The following FGF7 variants were observed in gnomAD, a reference collection of about 807,000 sequenced individuals.
The protein encoded by FGF7 is FGF-7.
A neutral mutation model predicts 20.5 loss-of-function variants in FGF7; 6 were observed. The ratio of observed to expected loss-of-function variants is 0.29; its 90% CI spans 0.16 to 0.58. The LOEUF (loss-of-function observed/expected upper bound fraction) is 0.58. Ranked by LOEUF, FGF7 falls within the 20% of genes least tolerant of loss-of-function variation. The probability of loss-of-function intolerance (pLI) is 0.90; values close to 1 mark genes in which losing one functional copy is unlikely to be tolerated. For synonymous variants in FGF7, 64 were observed against 74.7 expected, an observed-to-expected ratio of 0.86 and a Z score of 0.74; for missense variants, 144 against 228.8, an observed-to-expected ratio of 0.63 and a Z score of 2.39.
chr15:49,448,302 C>T (rs1224707697), intron 2 of FGF7, among the ~76,000 whole-genome samples: 1 of 151,356 alleles, frequency 6.6e-6, no homozygotes, highest in Non-Finnish European at 1.5e-5. Flanking sequence ...CCTTTTCTCC[C>T]TCTTTTCTTT....
rs769700070 is a variant in FGF7, at chr15:49,487,483, CA to C, written c.*2981del. ...TCAGCCTTTGAGTTGGCTACAAATT[CA>C]ATTTAATGACAGAAGAGAAGGGATG... is the stretch of plus-strand genomic sequence containing the variant. On this transcript the variant is annotated 3_prime_UTR_variant, in exon 4 of 4. Transcript: ENST00000267843. 1 of 151,700 alleles carries C rather than the reference CA, an allele frequency of 6.6e-6. No homozygotes were observed. The highest frequency in any genetic ancestry group is 1.5e-5 in the Non-Finnish European group (1 of 67,846). 9.4% of individuals were successfully genotyped at this position (151,700 alleles called of 1,614,324 possible). A position where few individuals can be genotyped will look rare whatever the true frequency, so the allele number is the denominator to read the frequency against.
intron 2 of FGF7, among the ~76,000 whole-genome samples, chr15:49,457,064 ACAC>A (rs2053367249): frequency 6.6e-6 from 1 of 152,026 alleles, no homozygotes; most frequent in South Asian, 2.1e-4. Flanking sequence ...TTTTACTACT[ACAC>A]CACCATGCCT....
chr15:49,461,179 C>A lies in FGF7; in HGVS notation c.287-21972C>A, dbSNP rs1402296208. On this transcript the variant is annotated intron_variant, in intron 2 of 3. Coordinates refer to ENST00000267843, the MANE Select transcript of FGF7 (RefSeq NM_002009.4). ...CTCCTCGACTAGACTAGTGACAGAT[C>A]TTTTCTCTTCCTTACTACTTTGCCA... Among the ~76,000 whole-genome samples the A allele has an allele frequency of 3.3e-5, 5 of 152,180 alleles. No individual in the cohort carries two copies. The East Asian group carries it at 9.6e-4, about 29-fold the overall frequency.
rs1000099087 is a variant in FGF7 at position 49,424,129 on chromosome 15, G to A, written c.-169G>A. On this transcript the variant is annotated 5_prime_UTR_variant, in exon 2 of 4. Coordinates refer to ENST00000267843, the MANE Select transcript of FGF7 (RefSeq NM_002009.4). ...GTTATTTAAGGAGGAATCCTGTGTT[G>A]TTATCAGGAACTAAAAGGATAAGGC... 2 of 555,372 alleles carry A rather than the reference G, an allele frequency of 3.6e-6. No individual in the cohort carries two copies. Among genetic ancestry groups the A allele is most frequent in the Non-Finnish European group, 6.3e-6 (2 of 316,040 alleles). The allele number at this position is 555,372 out of a possible 1,614,324, so 34.4% of individuals were successfully genotyped here.
chr15:49,465,514 T>C (rs376969309), intron 2 of FGF7, among the ~76,000 whole-genome samples: 13 of 152,124 alleles, frequency 8.5e-5, no homozygotes, highest in African/African-American at 3.1e-4. Flanking sequence ...AGAAAACATA[T>C]GTAAGTTGTT....
rs2056509513 is a variant in FGF7 at position 49,487,604 on chromosome 15, C to T, written c.*3100C>T. ...CATAAAGATGTGCGAGGGGACCTAG[C>T]TGTAGTAAAAGCAATCCTATAACAA... is the stretch of plus-strand genomic sequence containing the variant. On this transcript the variant is annotated 3_prime_UTR_variant, in exon 4 of 4. Coordinates refer to ENST00000267843, the MANE Select transcript of FGF7 (RefSeq NM_002009.4). The T allele has an allele frequency of 6.6e-6, 1 of 151,802 alleles. No individual in the cohort carries two copies. Among genetic ancestry groups the T allele is most frequent in the Non-Finnish European group, 1.5e-5 (1 of 67,878 alleles). 9.4% of individuals were successfully genotyped at this position (151,802 alleles called of 1,614,324 possible). A position where few individuals can be genotyped will look rare whatever the true frequency, so the allele number is the denominator to read the frequency against.
chr15:49,440,121 G>C (rs2051497788), intron 2 of FGF7, among the ~76,000 whole-genome samples: 1 of 151,788 alleles, frequency 6.6e-6, no homozygotes, highest in East Asian at 1.9e-4. Flanking sequence ...TCACGAATTA[G>C]TGGCAGTGGT....
chr15:49,437,853 G>C (rs2051253170), intron 2 of FGF7, among the ~76,000 whole-genome samples: 1 of 151,574 alleles, frequency 6.6e-6, no homozygotes, highest in South Asian at 2.1e-4. Flanking sequence ...CTGTGAAAAA[G>C]GTATGTTCAG....
chr15:49,465,920 G>A (rs566452469), intron 2 of FGF7, among the ~76,000 whole-genome samples: 1 of 152,272 alleles, frequency 6.6e-6, no homozygotes, highest in African/African-American at 2.4e-5. Context: ...TATTGAGGGT[G>A]TGTCAAATAC....
At chr15:49,464,643 C>T (rs1329723609) in intron 2 of FGF7, among the ~76,000 whole-genome samples, 1 of 152,122 alleles carries the variant, frequency 6.6e-6, no homozygotes, top group Non-Finnish European at 1.5e-5. Flanking sequence ...GCAAAAATGA[C>T]ACCAATAAAT....
intron 2 of FGF7, among the ~76,000 whole-genome samples, chr15:49,433,738 G>A (rs948812364): frequency 6.6e-6 from 1 of 151,700 alleles, no homozygotes; most frequent in African/African-American, 2.4e-5. Context: ...GCAGGGCATA[G>A]TGAAGACCAA....
In FGF7 at chr15:49,481,859, T is replaced by A. The variant is rs555575698; in HGVS notation, c.287-1292T>A. Among the ~76,000 whole-genome samples, 133 of 152,252 alleles carry A rather than the reference T, an allele frequency of 8.7e-4. 5 individuals are homozygous for A. In the South Asian group the frequency reaches 0.026, roughly 30 times the overall value. ...TCTGACTAGTGTTAAGTATAGTATATTGGGAAAAGGGCTTCTATATGCAAC... is the reference window on the plus strand; with the variant it reads ...TCTGACTAGTGTTAAGTATAGTATAATGGGAAAAGGGCTTCTATATGCAAC... On this transcript the variant is annotated intron_variant, in intron 2 of 3. Coordinates refer to ENST00000267843, the MANE Select transcript of FGF7 (RefSeq NM_002009.4).
At chr15:49,437,548 C>A (rs759615680) in intron 2 of FGF7, among the ~76,000 whole-genome samples, 3 of 151,568 alleles carry the variant, frequency 2.0e-5, no homozygotes, top group Non-Finnish European at 4.4e-5. Flanking sequence ...CTGGGTAAAT[C>A]ATATCTCTGT....
intron 2 of FGF7, among the ~76,000 whole-genome samples, chr15:49,458,953 AT>A: frequency 1.3e-5 from 2 of 152,200 alleles, no homozygotes; most frequent in Non-Finnish European, 2.9e-5. Flanking sequence ...GCTTATAAAA[AT>A]ATTGATCTGC....
intron 2 of FGF7, among the ~76,000 whole-genome samples, chr15:49,454,824 T>A (rs1180259541): frequency 6.6e-6 from 1 of 152,102 alleles, no homozygotes; most frequent in African/African-American, 2.4e-5. Context: ...TTAGCCAGGA[T>A]GGTCTCGATC....
intron 2 of FGF7, among the ~76,000 whole-genome samples, chr15:49,449,439 C>T (rs1189062289): frequency 6.6e-6 from 1 of 151,932 alleles, no homozygotes; most frequent in East Asian, 1.9e-4. Context: ...TCAACCATTA[C>T]ACTTAAACAT....
At chr15:49,444,225 T>C (rs371744190) in intron 2 of FGF7, among the ~76,000 whole-genome samples, 18 of 151,734 alleles carry the variant, frequency 1.2e-4, no homozygotes, top group African/African-American at 4.3e-4. Context: ...GGATTTATGA[T>C]TGCTCTCAAG....
chr15:49,458,295 G>A (rs1192382544), intron 2 of FGF7, among the ~76,000 whole-genome samples: 3 of 151,876 alleles, frequency 2.0e-5, no homozygotes, highest in Non-Finnish European at 4.4e-5. Flanking sequence ...CCCCCCACGT[G>A]CCAAATAGTA....
intron 2 of FGF7, among the ~76,000 whole-genome samples, chr15:49,481,241 T>C (rs1313295752): frequency 1.3e-5 from 2 of 152,214 alleles, no homozygotes; most frequent in Non-Finnish European, 2.9e-5. Flanking sequence ...ATAAAAGTAA[T>C]GGCAAAAGCC....
Sources: allele counts gnomAD v4.1 joint callset (sites outside exome capture counted in the v4.1 genomes callset), GRCh38; gene constraint gnomAD v4.1.1; transcripts MANE v1.5; gene names NCBI Gene and HGNC (gene_info 2026-07-23, HGNC 2026-07-21).